Variants in TMEM114 observed in about 807,000 individuals in gnomAD.
TMEM114 encodes claudin-26.
A neutral mutation model predicts 6.2 loss-of-function variants in TMEM114; 6 were observed. The ratio of observed to expected loss-of-function variants is 0.97; its 90% CI spans 0.53 to 1.91. The LOEUF (loss-of-function observed/expected upper bound fraction) is 1.91. Among genes scored for constraint, TMEM114 ranks in the 40% most tolerant of loss-of-function variants. The pLI, the probability that TMEM114 is intolerant of heterozygous loss-of-function variation, is 0.01. For synonymous variants in TMEM114, 104 were observed against 73.0 expected (o/e 1.42, Z -2.16); for missense variants, 218 against 158.3 (o/e 1.38, Z -2.02).
intron 2 of TMEM114, among the ~76,000 whole-genome samples, chr16:8,564,103 G>A (rs1472582013): frequency 1.3e-5 from 2 of 151,332 alleles, no homozygotes; most frequent in African/African-American, 4.9e-5. Flanking sequence ...GTGAATGAGT[G>A]AGGAAATAAG....
Position 8,569,800 on chromosome 16 carries a change from C to A in TMEM114, c.645G>T (p.Leu215=). The A allele has an allele frequency of 6.4e-7, 1 of 1,550,788 alleles. No individual in the cohort carries two copies. Among genetic ancestry groups the A allele is most frequent in the Non-Finnish European group, 8.7e-7 (1 of 1,146,914 alleles). ...ATATGGCCTGGTCCTGCCTCCGTCTCAGGCTGAGCTCGCGGGCTGCTGCCA... is the reference window on the plus strand; with the variant it reads ...ATATGGCCTGGTCCTGCCTCCGTCTAAGGCTGAGCTCGCGGGCTGCTGCCA... The part of the protein sequence containing the change: ...AFLAAARELS[L]RRRQDQAI Residue 215 remains leucine (L), a synonymous_variant, in exon 4 of 4, where the codon CTG becomes CTT. Coordinates refer to ENST00000620492, the MANE Select transcript of TMEM114 (RefSeq NM_001146336.2).
At chr16:8,570,819 A>C (rs1035386101) in intron 3 of TMEM114, among the ~76,000 whole-genome samples, 1 of 152,142 alleles carries the variant, frequency 6.6e-6, no homozygotes, top group African/African-American at 2.4e-5. Flanking sequence ...GGCTATTTAA[A>C]TTTAAGTTAA....
At chr16:8,567,151 T>TCA, downstream of TMEM114, among the ~76,000 whole-genome samples, 1 of 151,902 alleles carries the variant, frequency 6.6e-6, no homozygotes, top group Non-Finnish European at 1.5e-5. Context: ...TCAGGTGACC[T>TCA]GCCTGTCTTG....
intron 2 of TMEM114, among the ~76,000 whole-genome samples, chr16:8,583,197 C>A (rs1902212214): frequency 6.6e-6 from 1 of 152,170 alleles, no homozygotes; most frequent in Admixed American, 6.5e-5. Context: ...TGTTCTACAC[C>A]AGGCAGCTGG....
the TMEM114 span, among the ~76,000 whole-genome samples, chr16:8,527,714 G>C: frequency 1.3e-5 from 2 of 152,102 alleles, no homozygotes; most frequent in Non-Finnish European, 2.9e-5. Context: ...TGCTCAGGGA[G>C]GTTTAGTAAC....
intron 2 of TMEM114, among the ~76,000 whole-genome samples, chr16:8,559,557 A>T (rs931542993): frequency 2.0e-5 from 3 of 152,186 alleles, no homozygotes; most frequent in Non-Finnish European, 4.4e-5. Context: ...GTGGAAGCGG[A>T]TAGGGGAGTC....
intron 3 of TMEM114, among the ~76,000 whole-genome samples, chr16:8,570,739 C>G (rs1361164373): frequency 6.6e-6 from 1 of 152,124 alleles, no homozygotes; most frequent in African/African-American, 2.4e-5. Context: ...GCCTGGCCCA[C>G]GGTGGTTCTC....
At chr16:8,539,135 G>T (rs897249863) in intron 2 of TMEM114, among the ~76,000 whole-genome samples, 1 of 152,024 alleles carries the variant, frequency 6.6e-6, no homozygotes, top group Non-Finnish European at 1.5e-5. Flanking sequence ...CACAATCTGG[G>T]CATTGCCATG....
intron 2 of TMEM114, among the ~76,000 whole-genome samples, chr16:8,546,992 A>T (rs796385461): frequency 2.0e-5 from 3 of 152,350 alleles, no homozygotes; most frequent in African/African-American, 7.2e-5. Context: ...GGGTAAAGGT[A>T]TCTAAGCATT....
At chr16:8,565,422 A>T (rs1321879856), downstream of TMEM114, among the ~76,000 whole-genome samples, 2 of 152,302 alleles carry the variant, frequency 1.3e-5, no homozygotes, top group East Asian at 1.9e-4. Flanking sequence ...TGAGAGAAAG[A>T]GAGCGGCCAG....
At chr16:8,536,757 C>A (rs1900372689), downstream of TMEM114, among the ~76,000 whole-genome samples, 1 of 151,906 alleles carries the variant, frequency 6.6e-6, no homozygotes, top group Admixed American at 6.6e-5. Context: ...GGGAGGACTC[C>A]CAGTTGAGGC....
chr16:8,585,427 G>C (rs1001047568), intron 2 of TMEM114, among the ~76,000 whole-genome samples: 1 of 151,872 alleles, frequency 6.6e-6, no homozygotes, highest in Non-Finnish European at 1.5e-5. Flanking sequence ...AAAAATCAAG[G>C]TTTCTTCCCA....
chr16:8,577,468 C>G (rs141996367), intron 2 of TMEM114, among the ~76,000 whole-genome samples: 11 of 152,356 alleles, frequency 7.2e-5, no homozygotes, highest in African/African-American at 2.6e-4. Flanking sequence ...AGTCCCTTCA[C>G]CTCTGTGAGC....
intron 2 of TMEM114, among the ~76,000 whole-genome samples, chr16:8,573,606 T>C (rs1012414886): frequency 6.6e-6 from 1 of 152,054 alleles, no homozygotes. Flanking sequence ...ATTTACCAAA[T>C]GTGTATTGGT....
intron 2 of TMEM114, among the ~76,000 whole-genome samples, chr16:8,553,035 C>T (rs1217631516): frequency 6.6e-6 from 1 of 152,226 alleles, no homozygotes; most frequent in African/African-American, 2.4e-5. Context: ...AGCCGAGGTT[C>T]TTGCTTCCTG....
intron 2 of TMEM114, among the ~76,000 whole-genome samples, chr16:8,550,750 C>T (rs1265451942): frequency 6.6e-6 from 1 of 151,922 alleles, no homozygotes; most frequent in Admixed American, 6.6e-5. Context: ...CCTAACACTC[C>T]AGCTCTTGGG....
At chr16:8,563,564 A>C (rs1166837052) in intron 2 of TMEM114, among the ~76,000 whole-genome samples, 1 of 150,086 alleles carries the variant, frequency 6.7e-6, no homozygotes, top group African/African-American at 2.5e-5. Flanking sequence ...TGAGTGACTG[A>C]GGGAGGGAGG....
the TMEM114 span, among the ~76,000 whole-genome samples, chr16:8,529,811 G>C: frequency 2.6e-5 from 4 of 152,018 alleles, no homozygotes; most frequent in East Asian, 7.7e-4. Flanking sequence ...TCTTGGGCAT[G>C]TGGAGAGTTT....
At chr16:8,542,699 C>T (rs1051341451) in intron 2 of TMEM114, among the ~76,000 whole-genome samples, 3 of 152,030 alleles carry the variant, frequency 2.0e-5, no homozygotes, top group African/African-American at 7.2e-5. Flanking sequence ...AGAAGCACTA[C>T]ACTAAATGAG....
Sources: gnomAD v4.1 joint callset for allele counts (sites outside exome capture counted in the v4.1 genomes callset) on GRCh38, gnomAD v4.1.1 for gene constraint, MANE v1.5 for transcripts, NCBI Gene and HGNC (gene_info 2026-07-23, HGNC 2026-07-21) for gene names.